The following GLB1 variants were observed in gnomAD, a reference collection of about 807,000 sequenced individuals.
GLB1 encodes the protein galactosidase beta 1.
A neutral mutation model predicts 74.0 loss-of-function variants in GLB1; 56 were observed. The observed-to-expected ratio is 0.76, with a 90% CI of 0.61 to 0.94. The LOEUF (loss-of-function observed/expected upper bound fraction) is 0.94. Ranked by LOEUF, GLB1 falls within the 40% of genes least tolerant of loss-of-function variation. GLB1 has a pLI of 0.00. For missense variants in GLB1, 787 were observed against 845.5 expected (o/e 0.93, Z 0.86); for synonymous variants, 323 against 323.6 (o/e 1.00, Z 0.02).
At chr3:33,061,322 G>A (rs956747157) in intron 5 of GLB1, among the ~76,000 whole-genome samples, 2 of 152,136 alleles carry the variant, frequency 1.3e-5, no homozygotes, top group Non-Finnish European at 2.9e-5. Flanking sequence ...GCTCAGGTGC[G>A]AGAATTGCTT....
At chr3:33,017,462 C>A (rs1030720083) in intron 13 of GLB1, among the ~76,000 whole-genome samples, 3 of 152,180 alleles carry the variant, frequency 2.0e-5, no homozygotes, top group Non-Finnish European at 4.4e-5. Context: ...AAACAGTCAC[C>A]ATCAATAGAG....
chr3:33,046,021 C>A, intron 10 of GLB1, 99 bp downstream of exon 10: 1 of 1,435,498 alleles, frequency 7.0e-7, no homozygotes, highest in Non-Finnish European at 9.6e-7. Flanking sequence ...TCCTTTTAAA[C>A]AGGAGGGCTC....
chr3:33,087,909 T>C (rs1471073471), intron 1 of GLB1, among the ~76,000 whole-genome samples: 1 of 152,132 alleles, frequency 6.6e-6, no homozygotes, highest in Non-Finnish European at 1.5e-5. Flanking sequence ...GGTTATATAC[T>C]ATGATCAAGT....
downstream of GLB1, among the ~76,000 whole-genome samples, chr3:32,995,252 G>A (rs1241412112): frequency 6.6e-6 from 1 of 152,020 alleles, no homozygotes; most frequent in South Asian, 2.1e-4. Flanking sequence ...CTTGTCTCTA[G>A]GGCAGGGGAA....
intron 15 of GLB1, among the ~76,000 whole-genome samples, chr3:33,000,561 T>C (rs1303401807): frequency 6.6e-6 from 1 of 152,064 alleles, no homozygotes; most frequent in Admixed American, 6.5e-5. Flanking sequence ...ACCCTGTCTC[T>C]ACTAAAAATA....
intron 1 of GLB1, among the ~76,000 whole-genome samples, chr3:33,095,435 A>C (rs1700982672): frequency 6.6e-6 from 1 of 152,130 alleles, no homozygotes; most frequent in Admixed American, 6.5e-5. Context: ...CTGAGGCAGG[A>C]GAATGGCGTG....
At chr3:32,995,771 G>A (rs565995408), downstream of GLB1, among the ~76,000 whole-genome samples, 85 of 150,792 alleles carry the variant, frequency 5.6e-4, 1 homozygote, top group African/African-American at 1.8e-3. Context: ...CTTGAAGCCA[G>A]GAATTCAAGG....
rs1407133452 is a variant in GLB1, at chr3:33,024,272, A to G, written c.1122T>C (p.Tyr374=). The G allele has an allele frequency of 3.1e-6, 5 of 1,613,062 alleles. No homozygotes were observed. Among genetic ancestry groups the G allele is most frequent in the Non-Finnish European group, 1.7e-6 (2 of 1,179,908 alleles). ...TTACCTTTTCCAAAGTGACCTTTCC[A>G]TATGCAAACTTTGGTGTAGATGGAG... is the stretch of plus-strand genomic sequence containing the variant. The part of the protein sequence containing the change: ...PIPPSTPKFA[Y]GKVTLEKLKT... The change falls in exon 11 of 16, where the codon TAT becomes TAC. Residue 374 remains tyrosine (Y), a synonymous_variant. Coordinates refer to ENST00000307363, the MANE Select transcript of GLB1 (RefSeq NM_000404.4).
intron 1 of GLB1, among the ~76,000 whole-genome samples, chr3:33,080,336 C>T (rs1700280843): frequency 6.6e-6 from 1 of 151,948 alleles, no homozygotes; most frequent in African/African-American, 2.4e-5. Flanking sequence ...GCCTCGGCTT[C>T]CCAAAGTGCT....
chr3:33,037,629 C>T (rs1698332913), intron 10 of GLB1, among the ~76,000 whole-genome samples: 1 of 152,014 alleles, frequency 6.6e-6, no homozygotes, highest in Admixed American at 6.6e-5. Context: ...AACAGGATAC[C>T]CTTTGGGTCT....
At chr3:33,032,108 ACT>A (rs1206195404) in intron 10 of GLB1, among the ~76,000 whole-genome samples, 2 of 151,452 alleles carry the variant, frequency 1.3e-5, no homozygotes, top group Non-Finnish European at 1.5e-5. Flanking sequence ...ATTTCTAAAG[ACT>A]CTGTCTCCTT....
At chr3:33,087,235 T>C (rs749397470) in intron 1 of GLB1, among the ~76,000 whole-genome samples, 7 of 151,684 alleles carry the variant, frequency 4.6e-5, no homozygotes, top group Non-Finnish European at 8.8e-5. Flanking sequence ...AGAAAATCTA[T>C]ACAGACCAAT....
the GLB1 span, among the ~76,000 whole-genome samples, chr3:32,962,603 A>G: frequency 1.3e-5 from 2 of 152,172 alleles, no homozygotes; most frequent in African/African-American, 4.8e-5. Flanking sequence ...CAATAAGATA[A>G]TTATGCAAGT....
At chr3:33,094,222 A>G in intron 1 of GLB1, 1 of 1,569,350 alleles carries the variant, frequency 6.4e-7, no homozygotes, top group East Asian at 2.3e-5. Flanking sequence ...AGGCTCCCCC[A>G]CCAGTTCTGT....
At chr3:33,048,436 T>C (rs904284371) in intron 9 of GLB1, among the ~76,000 whole-genome samples, 11 of 152,158 alleles carry the variant, frequency 7.2e-5, no homozygotes, top group African/African-American at 2.7e-4. Context: ...ACATTCCACA[T>C]TGTGTGAGAA....
At chr3:33,040,146 G>A (rs1179395045) in intron 10 of GLB1, among the ~76,000 whole-genome samples, 1 of 152,126 alleles carries the variant, frequency 6.6e-6, no homozygotes, top group South Asian at 2.1e-4. Context: ...TTTGTTACAT[G>A]GCAATAGGTA....
chr3:33,093,837 G>A lies in GLB1; in HGVS notation c.75+3174C>T, dbSNP rs1427381288. On this transcript the variant is annotated intron_variant, in intron 1 of 15. Coordinates refer to ENST00000307363, the MANE Select transcript of GLB1 (RefSeq NM_000404.4). The surrounding 1 kb of genome is among the most constrained non-coding windows in gnomAD (Gnocchi z 6.0). ...CATGATGATGTAAGCACCCAGGCAG[G>A]AGTAGGCCGCCAAGGAAAAGAGATA... 1 of 1,613,644 alleles carries A rather than the reference G, an allele frequency of 6.2e-7. No individual in the cohort carries two copies. Among genetic ancestry groups the A allele is most frequent in the Admixed American group, 1.7e-5 (1 of 59,912 alleles).
In GLB1 at chr3:33,058,316, G is replaced by A. The variant is rs762922494; in HGVS notation, c.553-47C>T. On this transcript the variant is annotated intron_variant, in intron 5 of 15. Coordinates refer to ENST00000307363, the MANE Select transcript of GLB1 (RefSeq NM_000404.4). The stretch of plus-strand genomic sequence containing the variant: ...GGAAAAATGAGGAGATCCTAATGTA[G>A]CCACCCTAATGCAAGCTTTTGTGTG... The A allele has an allele frequency of 3.1e-6, 5 of 1,611,546 alleles. No homozygotes were observed. The East Asian group carries it at 1.1e-4, about 36-fold the overall frequency.
chr3:33,082,150 G>A (rs1391907906), intron 1 of GLB1, among the ~76,000 whole-genome samples: 1 of 152,228 alleles, frequency 6.6e-6, no homozygotes, highest in East Asian at 1.9e-4. Flanking sequence ...AACTGACATG[G>A]TAGCACCAGG....
Sources: gnomAD v4.1 joint callset for allele counts (sites outside exome capture counted in the v4.1 genomes callset) on GRCh38, gnomAD v4.1.1 for gene constraint, Gnocchi (gnomAD v3.1) non-coding constraint, MANE v1.5 for transcripts, NCBI Gene and HGNC (gene_info 2026-07-23, HGNC 2026-07-21) for gene names.